MTUS2: variants seen among roughly 807,000 people sequenced by gnomAD.
The protein encoded by MTUS2 is microtubule-associated tumor suppressor candidate 2.
In MTUS2, 40 loss-of-function variants were observed where a neutral mutation model predicts 114.1. The observed-to-expected ratio is 0.35, with a 90% confidence interval of 0.27 to 0.46. MTUS2 has a LOEUF of 0.46. Among genes scored for constraint, MTUS2 ranks in the 20% least tolerant of loss-of-function variants. MTUS2 has a pLI of 1.00. For synonymous variants in MTUS2, 688 were observed against 672.0 expected, an observed-to-expected ratio of 1.02 and a Z score of -0.37; for missense variants, 1,679 against 1,705.4, an observed-to-expected ratio of 0.98 and a Z score of 0.27.
At chr13:29,312,844 C>T (rs147610253) in intron 6 of MTUS2, among the ~76,000 whole-genome samples, 7 of 152,216 alleles carry the variant, frequency 4.6e-5, no homozygotes, top group African/African-American at 1.4e-4. Context: ...ACAGGGATTT[C>T]TCATTGATCA....
chr13:28,827,093 T>C (rs1044139154), intron 1 of MTUS2, among the ~76,000 whole-genome samples: 4 of 152,242 alleles, frequency 2.6e-5, no homozygotes, highest in Non-Finnish European at 4.4e-5. Context: ...AACACATTTT[T>C]TTGCTTCTAA....
At position 29,505,090 on chromosome 13, in the gene MTUS2, T is replaced by C. The variant is rs552006650; in HGVS notation, c.*1884T>C. ...ACACCACCATTTCTCTTTGCTTTAG[T>C]GGCTCTGCATGATACTGTGATATTG... On this transcript the variant is annotated 3_prime_UTR_variant, in exon 16 of 16. Coordinates refer to ENST00000612955, the MANE Select transcript of MTUS2 (RefSeq NM_001033602.4). The C allele has an allele frequency of 4.3e-6, 1 of 232,104 alleles. No homozygotes were observed. Among genetic ancestry groups the C allele is most frequent in the African/African-American group, 2.2e-5 (1 of 45,400 alleles). The allele number at this position is 232,104 out of a possible 1,614,324, so 14.4% of individuals were successfully genotyped here. A position where few individuals can be genotyped will look rare whatever the true frequency, so the allele number is the denominator to read the frequency against.
chr13:29,378,292 A>T (rs914067120), intron 8 of MTUS2, among the ~76,000 whole-genome samples: 31 of 110,842 alleles, frequency 2.8e-4, no homozygotes, highest in Middle Eastern at 4.0e-3. Context: ...ATAATAAATT[A>T]AAAAAAGAAA....
rs191576775 is a variant in MTUS2 at position 29,218,170 on chromosome 13, A to G, written c.2645-63534A>G. Among the ~76,000 whole-genome samples the G allele has an allele frequency of 2.6e-3, 388 of 151,856 alleles. 2 individuals are homozygous for G. The highest frequency in any genetic ancestry group is 9.1e-3 in the African/African-American group (378 of 41,388). On this transcript the variant is annotated intron_variant, in intron 5 of 15. Coordinates refer to ENST00000612955, the MANE Select transcript of MTUS2 (RefSeq NM_001033602.4). ...CAAAACAAAAAAAAAACACCTAAAAACCCCAGTGTTTACAGTGTCTTCATG... is the reference window on the plus strand; with the variant it reads ...CAAAACAAAAAAAAAACACCTAAAAGCCCCAGTGTTTACAGTGTCTTCATG...
chr13:29,104,619 C>T (rs544866168), intron 5 of MTUS2, among the ~76,000 whole-genome samples: 7 of 152,172 alleles, frequency 4.6e-5, no homozygotes, highest in African/African-American at 7.2e-5. Context: ...AGCCACAGTT[C>T]CTGTGGACTC....
chr13:29,459,192 C>G (rs1402143729), intron 9 of MTUS2, among the ~76,000 whole-genome samples: 1 of 152,166 alleles, frequency 6.6e-6, no homozygotes, highest in Non-Finnish European at 1.5e-5. Context: ...TTAAAACTTG[C>G]AGACAATTAT....
chr13:29,090,276 C>T (rs532438888), intron 4 of MTUS2, among the ~76,000 whole-genome samples: 3 of 152,220 alleles, frequency 2.0e-5, no homozygotes, highest in South Asian at 2.1e-4. Context: ...TTCTCTGGCC[C>T]CTTGAGGTCA....
At chr13:28,930,884 A>G (rs752366137) in intron 2 of MTUS2, among the ~76,000 whole-genome samples, 6 of 152,230 alleles carry the variant, frequency 3.9e-5, no homozygotes, top group African/African-American at 1.2e-4. Flanking sequence ...TGAAAAAAGT[A>G]CAGGTAATTG....
intron 8 of MTUS2, among the ~76,000 whole-genome samples, chr13:29,418,903 A>G (rs952581943): frequency 6.6e-6 from 1 of 152,122 alleles, no homozygotes; most frequent in African/African-American, 2.4e-5. Flanking sequence ...AAACCAAGAC[A>G]TGGCCAGCAT....
chr13:29,474,140 A>G (rs1364273346), intron 9 of MTUS2, among the ~76,000 whole-genome samples: 1 of 152,194 alleles, frequency 6.6e-6, no homozygotes, highest in Non-Finnish European at 1.5e-5. Context: ...GCAATTGGGA[A>G]TTTGGGGATT....
chr13:29,307,413 C>G, intron 6 of MTUS2: 1 of 1,185,236 alleles, frequency 8.4e-7, no homozygotes, highest in Non-Finnish European at 1.2e-6. Flanking sequence ...CCCCTAGTGA[C>G]GCTGCCAAGG....
At chr13:29,382,203 G>A (rs7327917) in intron 8 of MTUS2, among the ~76,000 whole-genome samples, 23,644 of 152,144 alleles carry the variant, frequency 0.16, 2,636 homozygotes, top group African/African-American at 0.32. Context: ...TGGTTGACAG[G>A]TCGGGCCTTG....
intron 5 of MTUS2, among the ~76,000 whole-genome samples, chr13:29,237,341 G>C (rs958419251): frequency 2.0e-5 from 3 of 151,980 alleles, no homozygotes; most frequent in Non-Finnish European, 4.4e-5. Context: ...TGGTTTTTTT[G>C]GGTCATTTCT....
At chr13:29,167,797 A>G (rs1192432933) in intron 5 of MTUS2, among the ~76,000 whole-genome samples, 1 of 152,142 alleles carries the variant, frequency 6.6e-6, no homozygotes, top group African/African-American at 2.4e-5. Flanking sequence ...TCAGTCAGTA[A>G]GTATAATGCA....
At chr13:29,404,505 G>T (rs1874607368) in intron 8 of MTUS2, among the ~76,000 whole-genome samples, 1 of 152,118 alleles carries the variant, frequency 6.6e-6, no homozygotes, top group Non-Finnish European at 1.5e-5. Flanking sequence ...TGAGATTCAA[G>T]ACCAGTATTT....
chr13:29,363,619 T>G (rs996001646), intron 8 of MTUS2, among the ~76,000 whole-genome samples: 6 of 152,228 alleles, frequency 3.9e-5, no homozygotes, highest in Non-Finnish European at 7.3e-5. Context: ...ATTTAACATT[T>G]ATTAACATTC....
chr13:29,336,525 A>G (rs4769719), intron 7 of MTUS2, among the ~76,000 whole-genome samples: 122,965 of 152,072 alleles, frequency 0.81, 50,623 homozygotes, highest in East Asian at 0.9. Flanking sequence ...CTTTGTCCCG[A>G]AAGGGCACCC....
rs755344304 is a variant in MTUS2, at chr13:29,027,590, C to T, written c.2205+687C>T. ...TTTTTGAGATGAAGTCTCGCTCTGTCGCCCAGGCTTGAGTGCAGTGGCGCG... is the reference window on the plus strand; with the variant it reads ...TTTTTGAGATGAAGTCTCGCTCTGTTGCCCAGGCTTGAGTGCAGTGGCGCG... On this transcript the variant is annotated intron_variant, in intron 3 of 15. Transcript: ENST00000612955. 3.0e-4 allele frequency among the ~76,000 whole-genome samples: 46 copies of T among 152,106 alleles called. 1 individual carries two copies. The highest frequency in any genetic ancestry group is 1.2e-4 in the African/African-American group (5 of 41,408).
chr13:28,955,688 C>T (rs1883027060), intron 2 of MTUS2, among the ~76,000 whole-genome samples: 1 of 152,106 alleles, frequency 6.6e-6, no homozygotes, highest in Non-Finnish European at 1.5e-5. Context: ...TCATTCCTTT[C>T]TGCTGTCATC....
Sources: allele counts gnomAD v4.1 joint callset (sites outside exome capture counted in the v4.1 genomes callset), GRCh38; gene constraint gnomAD v4.1.1; transcripts MANE v1.5; gene names NCBI Gene and HGNC (gene_info 2026-07-23, HGNC 2026-07-21).